Variants in ZEB2 observed in about 807,000 individuals in gnomAD.
ZEB2 encodes zinc finger E-box binding homeobox 2.
ZEB2 carries 6 observed loss-of-function variants against 99.9 expected under a neutral mutation model. The ratio of observed to expected loss-of-function variants is 0.06; its 90% CI spans 0.03 to 0.12. The LOEUF (loss-of-function observed/expected upper bound fraction) is 0.12, where lower values mean the gene tolerates loss of function less well. ZEB2 is among the 10% of genes least tolerant of loss of function. The probability of loss-of-function intolerance (pLI) is 1.00; values close to 1 mark genes in which losing one functional copy is unlikely to be tolerated. For missense variants in ZEB2, 969 were observed against 1,502.8 expected (o/e 0.64, Z 5.87); for synonymous variants, 517 against 542.5 (o/e 0.95, Z 0.65).
chr2:144,418,652 C>T (rs1703575884), intron 4 of ZEB2, among the ~76,000 whole-genome samples: 1 of 151,724 alleles, frequency 6.6e-6, no homozygotes, highest in Non-Finnish European at 1.5e-5. Flanking sequence ...TGCACCATTG[C>T]ACTCCAGCCC....
At chr2:144,512,968 C>T in intron 2 of ZEB2, 1 of 1,287,254 alleles carries the variant, frequency 7.8e-7, no homozygotes, top group Non-Finnish European at 1.0e-6. Context: ...AAGAAAGCTA[C>T]TTGCCAAAGA....
intron 2 of ZEB2, among the ~76,000 whole-genome samples, chr2:144,480,114 G>C (rs1474023476): frequency 6.6e-6 from 1 of 152,168 alleles, no homozygotes; most frequent in Non-Finnish European, 1.5e-5. Flanking sequence ...AGGCATAGTT[G>C]ACTAAATAAA....
At chr2:144,497,304 C>T (rs184842587) in intron 2 of ZEB2, among the ~76,000 whole-genome samples, 1 of 152,266 alleles carries the variant, frequency 6.6e-6, no homozygotes, top group Non-Finnish European at 1.5e-5. Context: ...AATGCACCCC[C>T]ATTTCCCACT....
intron 2 of ZEB2, among the ~76,000 whole-genome samples, chr2:144,439,664 C>A (rs961758732): frequency 1.3e-5 from 2 of 152,288 alleles, no homozygotes; most frequent in African/African-American, 2.4e-5. Context: ...TAGCTCTGCA[C>A]AAGCTGCTAC....
At chr2:144,409,507 G>C (rs1703429653) in intron 4 of ZEB2, among the ~76,000 whole-genome samples, 1 of 152,028 alleles carries the variant, frequency 6.6e-6, no homozygotes, top group African/African-American at 2.4e-5. Flanking sequence ...AAAACACACT[G>C]ACAAAGGATA....
chr2:144,515,435 C>G (rs1283454865), intron 2 of ZEB2, among the ~76,000 whole-genome samples: 1 of 151,020 alleles, frequency 6.6e-6, no homozygotes, highest in Non-Finnish European at 1.5e-5. Context: ...CTAAATTACT[C>G]AGAGATGGGG....
In ZEB2 at chr2:144,405,024, A is replaced by G; in HGVS notation, c.404T>C (p.Val135Ala). ...TIQTAINNGTVKNANCTSDFE... is the reference protein window; with the variant it reads ...TIQTAINNGTAKNANCTSDFE... Reference sequence around the variant, plus strand: ...ATCTGATGTGCAATTTGCATTCTTCACTGAAATCATAAAAGGAGAAGAAAT... The same window carrying G: ...ATCTGATGTGCAATTTGCATTCTTCGCTGAAATCATAAAAGGAGAAGAAAT... The change falls in exon 5 of 10, where the codon GTG becomes GCG. Residue 135 changes from valine to alanine, a missense_variant and splice_region_variant. This residue lies in a region of ZEB2 where 173 missense variants were observed against 217.7 expected (regional missense o/e 0.79). Transcript: ENST00000627532. 1.9e-6 allele frequency: 3 copies of G among 1,613,542 alleles called. No homozygotes were observed. The highest frequency in any genetic ancestry group is 2.5e-6 in the Non-Finnish European group (3 of 1,180,012).
intron 2 of ZEB2, among the ~76,000 whole-genome samples, chr2:144,479,895 G>A (rs1704485693): frequency 1.3e-5 from 2 of 152,088 alleles, no homozygotes; most frequent in African/African-American, 2.4e-5. Context: ...GCTTGCCCAA[G>A]ACGATGCACA....
intron 2 of ZEB2, among the ~76,000 whole-genome samples, chr2:144,457,867 T>C (rs1301813856): frequency 1.3e-5 from 2 of 152,148 alleles, no homozygotes; most frequent in African/African-American, 4.8e-5. Context: ...CTCACATAAG[T>C]ACTTTTTTGT....
rs952584966 is a variant in ZEB2, at chr2:144,387,202, T to C, written c.*2249A>G. 1 of 152,022 alleles carries C rather than the reference T, an allele frequency of 6.6e-6. No homozygotes were observed. Among genetic ancestry groups the C allele is most frequent in the Non-Finnish European group, 1.5e-5 (1 of 67,994 alleles). The allele number at this position is 152,022 out of a possible 1,614,324, so 9.4% of individuals were successfully genotyped here. On this transcript the variant is annotated 3_prime_UTR_variant, in exon 10 of 10. Coordinates refer to ENST00000627532, the MANE Select transcript of ZEB2 (RefSeq NM_014795.4). ...CCAACTGGAAATATCATACTCAAAATTTTAGCAAATTTAATAGCAAAATGA... is the reference window on the plus strand; with the variant it reads ...CCAACTGGAAATATCATACTCAAAACTTTAGCAAATTTAATAGCAAAATGA...
chr2:144,435,410 T>A lies in ZEB2; in HGVS notation c.74-5384A>T, dbSNP rs951126357. On this transcript the variant is annotated intron_variant, in intron 2 of 9. Transcript: ENST00000627532. ...ATTTCTTGAGGTCAGGAGTTTGTGATCAGCCTGGGCAAGACCCCATCTCTA... is the reference window on the plus strand; with the variant it reads ...ATTTCTTGAGGTCAGGAGTTTGTGAACAGCCTGGGCAAGACCCCATCTCTA... Among the ~76,000 whole-genome samples the A allele has an allele frequency of 5.3e-5, 8 of 151,996 alleles. No individual in the cohort carries two copies. In the Middle Eastern group the frequency reaches 0.01, roughly 194 times the overall value.
At chr2:144,469,064 G>T (rs2149908322) in intron 2 of ZEB2, among the ~76,000 whole-genome samples, 1 of 152,028 alleles carries the variant, frequency 6.6e-6, no homozygotes, top group South Asian at 2.1e-4. Context: ...GCTCTGTGAG[G>T]ACTCACTTTT....
Position 144,424,868 on chromosome 2 carries a change from C to T in ZEB2, c.332-1G>A. The T allele has an allele frequency of 6.2e-7, 1 of 1,613,870 alleles. No individual in the cohort carries two copies. Among genetic ancestry groups the T allele is most frequent in the East Asian group, 2.2e-5 (1 of 44,880 alleles). On this transcript the variant is annotated splice_acceptor_variant, in intron 3 of 9. Transcript: ENST00000627532. LOFTEE classifies it high-confidence loss of function. ...GTGTCATAGTCTTCCTTCATTTCTT[C>T]TGTGGGGGAAAATTATCTTTAGCAT...
In ZEB2 at chr2:144,387,020, ATCCTTTCTGTG is replaced by A. The variant is rs1183271598; in HGVS notation, c.*2420_*2430del. On this transcript the variant is annotated 3_prime_UTR_variant, in exon 10 of 10. Coordinates refer to ENST00000627532, the MANE Select transcript of ZEB2 (RefSeq NM_014795.4). The stretch of plus-strand genomic sequence containing the variant: ...TCAACTATTACTGTATCTTCATTAC[ATCCTTTCTGTG>A]TATGTGTGTGTGTGTATATATATAT... The A allele has an allele frequency of 8.5e-6, 1 of 118,212 alleles. No individual in the cohort carries two copies. Among genetic ancestry groups the A allele is most frequent in the African/African-American group, 3.2e-5 (1 of 31,302 alleles). The allele number at this position is 118,212 out of a possible 1,614,324, so 7.3% of individuals were successfully genotyped here.
At chr2:144,512,992 C>A (rs1405969287) in intron 2 of ZEB2, 2 of 1,287,218 alleles carry the variant, frequency 1.6e-6, no homozygotes, top group Non-Finnish European at 2.0e-6. Context: ...CCACACTTTG[C>A]AAAGATAACC....
intron 2 of ZEB2, among the ~76,000 whole-genome samples, chr2:144,469,833 T>A (rs956525996): frequency 6.6e-6 from 1 of 152,196 alleles, no homozygotes; most frequent in African/African-American, 2.4e-5. Flanking sequence ...ACAAATTACT[T>A]GTGCCTTTTA....
At chr2:144,452,424 TGATGCA>T (rs1704066614) in intron 2 of ZEB2, among the ~76,000 whole-genome samples, 1 of 152,064 alleles carries the variant, frequency 6.6e-6, no homozygotes, top group Non-Finnish European at 1.5e-5. Flanking sequence ...AAACAAATAG[TGATGCA>T]GCACAGATAT....
rs191996613 is a variant in ZEB2 at position 144,410,343 on chromosome 2, T to C, written c.404-5319A>G. Among the ~76,000 whole-genome samples, 250 of 152,352 alleles carry C rather than the reference T, an allele frequency of 1.6e-3. 4 individuals carry two copies. In the South Asian group the frequency reaches 0.024, roughly 15 times the overall value. On this transcript the variant is annotated intron_variant, in intron 4 of 9. Coordinates refer to ENST00000627532, the MANE Select transcript of ZEB2 (RefSeq NM_014795.4). ...TCTCTTGGCAATATGTTGGCCACTC[T>C]TACTAATGTTGCTTATTAATGACAC...
At chr2:144,400,820 C>G (rs1232539721) in intron 7 of ZEB2, among the ~76,000 whole-genome samples, 3 of 152,154 alleles carry the variant, frequency 2.0e-5, no homozygotes, top group Non-Finnish European at 4.4e-5. Context: ...AGCTCTTATC[C>G]AAAATTCTTC....
Sources: gnomAD v4.1 joint callset for allele counts (sites outside exome capture counted in the v4.1 genomes callset) on GRCh38, gnomAD v4.1.1 for gene constraint, gnomAD v4.1.1 regional missense constraint, MANE v1.5 for transcripts, NCBI Gene and HGNC (gene_info 2026-07-23, HGNC 2026-07-21) for gene names.